The following VEGFC variants were observed in gnomAD, a reference collection of about 807,000 sequenced individuals.
VEGFC encodes FLT4 ligand DHM.
A neutral mutation model predicts 46.1 loss-of-function variants in VEGFC; 12 were observed. The ratio of observed to expected loss-of-function variants is 0.26; its 90% CI spans 0.17 to 0.42. The LOEUF is 0.42. Among genes scored for constraint, VEGFC ranks in the 10% least tolerant of loss-of-function variants. The pLI is 1.00. For synonymous variants in VEGFC, 232 were observed against 195.5 expected (o/e 1.19, Z -1.56); for missense variants, 488 against 529.4 (o/e 0.92, Z 0.77).
intron 1 of VEGFC, among the ~76,000 whole-genome samples, chr4:176,755,551 G>A (rs954644230): frequency 1.1e-4 from 17 of 151,938 alleles, no homozygotes; most frequent in Non-Finnish European, 1.5e-5. Context: ...TCCTGCCAAA[G>A]TGCCCTGGGA....
chr4:176,775,841 CCAAA>C (rs1339785610), intron 1 of VEGFC, among the ~76,000 whole-genome samples: 3 of 151,994 alleles, frequency 2.0e-5, no homozygotes, highest in African/African-American at 7.3e-5. Context: ...TTACCATTTC[CCAAA>C]CAATCAGAGA....
At position 176,711,621 on chromosome 4, in the gene VEGFC, T is replaced by C. The variant is rs1198705791; in HGVS notation, c.582A>G (p.Gln194=). The C allele has an allele frequency of 6.2e-7, 1 of 1,613,544 alleles. No individual in the cohort carries two copies. The highest frequency in any genetic ancestry group is 8.5e-7 in the Non-Finnish European group (1 of 1,179,668). Residue 194 remains glutamine (Q), a synonymous_variant, in exon 4 of 7, where the codon CAA becomes CAG. Transcript: ENST00000618562. ...TLFEITVPLS[Q]GPKPVTISFA... ...AACTGATTGTTACTGGTTTGGGGCCTTGAGAGAGAGGCACTGTAATTTCAA... is the reference window on the plus strand; with the variant it reads ...AACTGATTGTTACTGGTTTGGGGCCCTGAGAGAGAGGCACTGTAATTTCAA...
chr4:176,764,551 T>C (rs1051154168), intron 1 of VEGFC, among the ~76,000 whole-genome samples: 2 of 152,200 alleles, frequency 1.3e-5, no homozygotes, highest in African/African-American at 2.4e-5. Context: ...AGTCTCATAG[T>C]GCAGAGGTTA....
intron 1 of VEGFC, among the ~76,000 whole-genome samples, chr4:176,740,209 ATATC>A (rs1357196569): frequency 5.6e-5 from 7 of 124,504 alleles, no homozygotes. Flanking sequence ...TATAGAATAT[ATATC>A]TATATATAGA....
At chr4:176,762,637 C>T (rs1553996422) in intron 1 of VEGFC, among the ~76,000 whole-genome samples, 2 of 152,204 alleles carry the variant, frequency 1.3e-5, no homozygotes, top group Non-Finnish European at 2.9e-5. Flanking sequence ...TGAAAAAGTG[C>T]ATCTATCTAT....
rs1287702353 is a variant in VEGFC at position 176,767,006 on chromosome 4, T to TA, written c.147+25158dup. Among the ~76,000 whole-genome samples the TA allele has an allele frequency of 4.5e-3, 595 of 132,226 alleles. 3 individuals carry two copies. The highest frequency in any genetic ancestry group is 0.033 in the Middle Eastern group (8 of 244). The allele number at this position is 132,226 out of a possible 152,430, so 86.7% of individuals were successfully genotyped here. ...ATTAAAATTAAAGAAATCTGGCCAG[T>TA]AAAAAAAAAGAAAGAAAGAAAGAAA... On this transcript the variant is annotated intron_variant, in intron 1 of 6. Transcript: ENST00000618562.
chr4:176,763,878 T>C (rs546915052), intron 1 of VEGFC, among the ~76,000 whole-genome samples: 3 of 152,188 alleles, frequency 2.0e-5, no homozygotes, highest in African/African-American at 7.2e-5. Flanking sequence ...TTACAGGTGA[T>C]AAAACTAAGT....
intron 1 of VEGFC, among the ~76,000 whole-genome samples, chr4:176,747,778 C>A (rs932223960): frequency 2.0e-5 from 3 of 151,954 alleles, no homozygotes; most frequent in Non-Finnish European, 4.4e-5. Context: ...GGCAACAGAG[C>A]CAGACCCTGT....
chr4:176,712,950 C>T (rs1195543267), intron 3 of VEGFC, among the ~76,000 whole-genome samples: 2 of 152,150 alleles, frequency 1.3e-5, no homozygotes, highest in Non-Finnish European at 2.9e-5. Flanking sequence ...TTTATTAGCT[C>T]TCCCATTTAT....
At chr4:176,754,590 T>G (rs986071687) in intron 1 of VEGFC, among the ~76,000 whole-genome samples, 2 of 151,974 alleles carry the variant, frequency 1.3e-5, no homozygotes, top group African/African-American at 4.8e-5. Flanking sequence ...TCCTCTCTCT[T>G]TCACTTATAA....
rs536447339 is a variant in VEGFC at position 176,779,629 on chromosome 4, A to C, written c.147+12536T>G. On this transcript the variant is annotated intron_variant, in intron 1 of 6. Coordinates refer to ENST00000618562, the MANE Select transcript of VEGFC (RefSeq NM_005429.5). Reference sequence around the variant, plus strand: ...AGTGAAACATTAACCTCTAAGTTACAATCACTTTTAACCTCCTGAGGAGAC... The same window carrying C: ...AGTGAAACATTAACCTCTAAGTTACCATCACTTTTAACCTCCTGAGGAGAC... Among the ~76,000 whole-genome samples the C allele has an allele frequency of 2.6e-5, 4 of 152,224 alleles. No homozygotes were observed. The East Asian group carries it at 7.7e-4, about 29-fold the overall frequency.
At chr4:176,763,138 G>A (rs1735560323) in intron 1 of VEGFC, among the ~76,000 whole-genome samples, 2 of 152,224 alleles carry the variant, frequency 1.3e-5, no homozygotes, top group South Asian at 4.1e-4. Flanking sequence ...AAATACCTTT[G>A]AAAGTGGTCT....
At chr4:176,720,340 C>T (rs754454875) in intron 3 of VEGFC, among the ~76,000 whole-genome samples, 8 of 152,110 alleles carry the variant, frequency 5.3e-5, no homozygotes, top group Non-Finnish European at 1.0e-4. Flanking sequence ...TAGAATTGTA[C>T]ATCAAACCTT....
chr4:176,693,004 C>T (rs373661332), intron 4 of VEGFC, among the ~76,000 whole-genome samples: 3 of 151,502 alleles, frequency 2.0e-5, no homozygotes, highest in East Asian at 1.9e-4. Context: ...GACCAAAAGT[C>T]GATAAAACCA....
At chr4:176,751,945 C>G (rs1165265138) in intron 1 of VEGFC, among the ~76,000 whole-genome samples, 1 of 150,718 alleles carries the variant, frequency 6.6e-6, no homozygotes, top group African/African-American at 2.4e-5. Flanking sequence ...CTGTCCTCCT[C>G]TGTATATTTG....
intron 1 of VEGFC, among the ~76,000 whole-genome samples, chr4:176,778,181 G>GA (rs1735846695): frequency 6.6e-6 from 1 of 151,924 alleles, no homozygotes; most frequent in Non-Finnish European, 1.5e-5. Context: ...GCATAAATAG[G>GA]AAAAAACAAC....
chr4:176,789,316 T>C (rs969131549), intron 1 of VEGFC, among the ~76,000 whole-genome samples: 7 of 152,254 alleles, frequency 4.6e-5, no homozygotes, highest in African/African-American at 1.7e-4. Context: ...CATATGCCAC[T>C]AAGATCAGTA....
chr4:176,687,786 C>G, intron 5 of VEGFC, 35 bp downstream of exon 5: 1 of 1,437,644 alleles, frequency 7.0e-7, no homozygotes, highest in South Asian at 1.2e-5. Flanking sequence ...ATATAGACCC[C>G]TGGCGTTTAG....
chr4:176,730,116 C>T (rs1369943516), intron 1 of VEGFC, among the ~76,000 whole-genome samples: 1 of 152,090 alleles, frequency 6.6e-6, no homozygotes, highest in Non-Finnish European at 1.5e-5. Flanking sequence ...GAAATCCACC[C>T]TAATGCTTTG....
Sources: allele counts gnomAD v4.1 joint callset (sites outside exome capture counted in the v4.1 genomes callset), GRCh38; gene constraint gnomAD v4.1.1; transcripts MANE v1.5; gene names NCBI Gene and HGNC (gene_info 2026-07-23, HGNC 2026-07-21).